The following MANBA variants were observed in gnomAD, a reference collection of about 807,000 sequenced individuals.
MANBA encodes mannosidase beta, also known as beta-mannosidase.
Under a neutral mutation model 111.1 loss-of-function variants are expected in MANBA, and 83 were observed. The observed-to-expected ratio is 0.75, with a 90% confidence interval of 0.63 to 0.90. MANBA has a LOEUF of 0.90. Among genes scored for constraint, MANBA ranks in the 40% least tolerant of loss-of-function variants. The pLI, the probability that MANBA is intolerant of heterozygous loss-of-function variation, is 0.00. For synonymous variants in MANBA, 370 were observed against 378.7 expected, an observed-to-expected ratio of 0.98 and a Z score of 0.27; for missense variants, 1,036 against 1,069.0, an observed-to-expected ratio of 0.97 and a Z score of 0.43.
At chr4:102,730,110 C>T (rs1455020897) in intron 1 of MANBA, 4 of 1,151,368 alleles carry the variant, frequency 3.5e-6, no homozygotes, top group Non-Finnish European at 4.9e-6. Context: ...GGAGTGGCTG[C>T]TGAAGGCCCG....
chr4:102,646,471 A>G (rs1730109208), intron 13 of MANBA, among the ~76,000 whole-genome samples: 1 of 152,114 alleles, frequency 6.6e-6, no homozygotes, highest in Non-Finnish European at 1.5e-5. Context: ...ATGGGCCTCT[A>G]AAGAAAATGA....
At chr4:102,670,609 A>C (rs7695925) in intron 9 of MANBA, among the ~76,000 whole-genome samples, 9,699 of 152,210 alleles carry the variant, frequency 0.064, 984 homozygotes, top group African/African-American at 0.22. Flanking sequence ...TTTGGGAGGC[A>C]GAGGCAGGTG....
intron 13 of MANBA, among the ~76,000 whole-genome samples, chr4:102,640,320 A>G (rs1729825878): frequency 6.6e-6 from 1 of 152,216 alleles, no homozygotes; most frequent in Non-Finnish European, 1.5e-5. Flanking sequence ...TGAGTCTGAT[A>G]TTATCCAATC....
chr4:102,744,612 T>C (rs972085198), intron 1 of MANBA, among the ~76,000 whole-genome samples: 24 of 152,318 alleles, frequency 1.6e-4, no homozygotes, highest in Non-Finnish European at 3.1e-4. Flanking sequence ...AGGAGATGTG[T>C]TAATTTGCTC....
intron 16 of MANBA, among the ~76,000 whole-genome samples, chr4:102,632,771 G>A (rs558569077): frequency 6.6e-6 from 1 of 152,198 alleles, no homozygotes; most frequent in Non-Finnish European, 1.5e-5. Context: ...CTCTTTTACT[G>A]CATAGTTAAG....
At chr4:102,664,629 C>T (rs1731132308) in intron 11 of MANBA, 56 bp downstream of exon 11, 5 of 1,505,408 alleles carry the variant, frequency 3.3e-6, no homozygotes, top group South Asian at 1.1e-5. Context: ...TGAGCCACCA[C>T]GCCCAGCCCT....
intron 5 of MANBA, among the ~76,000 whole-genome samples, chr4:102,709,683 G>A (rs1721966205): frequency 6.6e-6 from 1 of 151,942 alleles, no homozygotes; most frequent in African/African-American, 2.4e-5. Context: ...CACACAGAGA[G>A]GCAACAAGAA....
intron 7 of MANBA, 112 bp downstream of exon 7, chr4:102,689,462 T>C (rs879619091): frequency 3.5e-5 from 23 of 660,012 alleles, no homozygotes; most frequent in South Asian, 5.8e-5. Context: ...TGATCTCTGA[T>C]GGGTGGGGAC....
intron 5 of MANBA, among the ~76,000 whole-genome samples, chr4:102,694,538 C>T (rs1235308458): frequency 6.6e-6 from 1 of 152,132 alleles, no homozygotes; most frequent in Non-Finnish European, 1.5e-5. Flanking sequence ...TCATCTCTCT[C>T]CTAGCATTAA....
intron 7 of MANBA, among the ~76,000 whole-genome samples, chr4:102,679,343 A>G (rs1731862619): frequency 6.6e-6 from 1 of 152,084 alleles, no homozygotes; most frequent in Non-Finnish European, 1.5e-5. Context: ...TGACAAAGTT[A>G]TTTTCAATAG....
chr4:102,718,346 C>A (rs958281007), intron 4 of MANBA, among the ~76,000 whole-genome samples: 10 of 151,844 alleles, frequency 6.6e-5, no homozygotes, highest in Admixed American at 5.2e-4. Flanking sequence ...ACAAGTTGGA[C>A]GGAAGACACA....
At position 102,657,915 on chromosome 4, in the gene MANBA, A is replaced by G. The variant is rs1272607834; in HGVS notation, c.1486-15T>C. The stretch of plus-strand genomic sequence containing the variant: ...CTCTTGTCTCCCTGAGTTCAGAAAT[A>G]AAATGAATTCAAGGATAATATATTC... On this transcript the variant is annotated splice_polypyrimidine_tract_variant and intron_variant, in intron 11 of 16. Transcript: ENST00000647097. The G allele has an allele frequency of 2.1e-5, 31 of 1,499,944 alleles. No homozygotes were observed. The East Asian group carries it at 6.8e-4, about 33-fold the overall frequency. 92.9% of individuals were successfully genotyped at this position (1,499,944 alleles called of 1,614,324 possible).
chr4:102,635,297 C>T (rs1467217751), intron 15 of MANBA, among the ~76,000 whole-genome samples: 1 of 152,070 alleles, frequency 6.6e-6, no homozygotes, highest in Non-Finnish European at 1.5e-5. Context: ...AAAAAATAAT[C>T]CACGGAAGGC....
intron 10 of MANBA, 198 bp from the exon 11 acceptor site, chr4:102,665,050 T>G (rs555215293): frequency 1.7e-6 from 1 of 573,132 alleles, no homozygotes; most frequent in South Asian, 2.1e-5. Flanking sequence ...TTAACTAGAT[T>G]TTATAAACAC....
intron 1 of MANBA, 130 bp downstream of exon 1, chr4:102,760,588 G>T: frequency 9.7e-7 from 1 of 1,035,308 alleles, no homozygotes; most frequent in Non-Finnish European, 1.4e-6. Context: ...ATCACAAGAT[G>T]CAAAGGGGAA....
At chr4:102,730,384 C>A (rs1722987697) in intron 1 of MANBA, 2 of 494,724 alleles carry the variant, frequency 4.0e-6, no homozygotes, top group Admixed American at 6.4e-5. Context: ...CTTAGTGTAG[C>A]AAGTCGGCAA....
chr4:102,634,827 T>C lies in MANBA; in HGVS notation c.2376A>G (p.Ser792=), dbSNP rs548915626. The C allele has an allele frequency of 6.2e-7, 1 of 1,614,138 alleles. No homozygotes were observed. Among genetic ancestry groups the C allele is most frequent in the African/African-American group, 1.3e-5 (1 of 75,054 alleles). The change falls in exon 16 of 17, where the codon TCA becomes TCG. Residue 792 remains serine (S), a synonymous_variant. Coordinates refer to ENST00000647097, the MANE Select transcript of MANBA (RefSeq NM_005908.4). The stretch of plus-strand genomic sequence containing the variant: ...TGCAGAGCCCCACGGCCTCCTTCGG[T>C]GAGGACAAGAAGTGGTAGTTGGTCG... ...LSPTNYHFLS[S]PKEAVGLCKA...
At chr4:102,643,473 A>G (rs569595646) in intron 13 of MANBA, among the ~76,000 whole-genome samples, 9 of 152,210 alleles carry the variant, frequency 5.9e-5, no homozygotes, top group Non-Finnish European at 1.0e-4. Flanking sequence ...AGGAATTAAC[A>G]AACTGTTTAC....
At chr4:102,718,296 A>G (rs1373745595) in intron 4 of MANBA, among the ~76,000 whole-genome samples, 1 of 152,224 alleles carries the variant, frequency 6.6e-6, no homozygotes, top group African/African-American at 2.4e-5. Context: ...ACAAGTGATG[A>G]TGCTAAATAA....
Sources: allele counts gnomAD v4.1 joint callset (sites outside exome capture counted in the v4.1 genomes callset), GRCh38; gene constraint gnomAD v4.1.1; transcripts MANE v1.5; gene names NCBI Gene and HGNC (gene_info 2026-07-23, HGNC 2026-07-21).